The following SDK2 variants were observed in gnomAD, a reference collection of about 807,000 sequenced individuals.
The protein encoded by SDK2 is sidekick cell adhesion molecule 2, also known as protein sidekick-2.
A neutral mutation model predicts 253.9 loss-of-function variants in SDK2; 105 were observed. The observed-to-expected ratio is 0.41, with a 90% CI of 0.35 to 0.49. The LOEUF (loss-of-function observed/expected upper bound fraction) is 0.49. Among genes scored for constraint, SDK2 ranks in the 20% least tolerant of loss-of-function variants. SDK2 has a pLI of 0.06. For missense variants in SDK2, 2,608 were observed against 3,003.0 expected (o/e 0.87, Z 3.07); for synonymous variants, 1,249 against 1,234.9 (o/e 1.01, Z -0.24).
At position 73,612,787 on chromosome 17, in the gene SDK2, C is replaced by T. The variant is rs1170118970; in HGVS notation, c.64+31238G>A. Among the ~76,000 whole-genome samples the T allele has an allele frequency of 2.0e-5, 3 of 152,036 alleles. No homozygotes were observed. The highest frequency in any genetic ancestry group is 2.9e-5 in the Non-Finnish European group (2 of 68,008). The stretch of plus-strand genomic sequence containing the variant: ...CAAAAATTAGCTGTACCTGGTGGTG[C>T]GCACCTGTAGTCCCAGCTACTCAGG... On this transcript the variant is annotated intron_variant, in intron 1 of 44. Coordinates refer to ENST00000392650, the MANE Select transcript of SDK2 (RefSeq NM_001144952.2). The surrounding 1 kb of genome is among the most constrained non-coding windows in gnomAD (Gnocchi z 4.4).
At chr17:73,404,421 T>G (rs1599530966) in intron 18 of SDK2, among the ~76,000 whole-genome samples, 1 of 152,162 alleles carries the variant, frequency 6.6e-6, no homozygotes, top group Admixed American at 6.5e-5. Context: ...GGAACTTCAG[T>G]GCTCAGCTCA....
At chr17:73,525,913 C>T (rs962268098) in intron 1 of SDK2, among the ~76,000 whole-genome samples, 6 of 152,368 alleles carry the variant, frequency 3.9e-5, no homozygotes, top group South Asian at 2.1e-4. Flanking sequence ...GCACGTACTA[C>T]GTGCCACAAA....
At position 73,639,660 on chromosome 17, in the gene SDK2, A is replaced by G. The variant is rs1052856285; in HGVS notation, c.64+4365T>C. On this transcript the variant is annotated intron_variant, in intron 1 of 44. Transcript: ENST00000392650. This position sits in a 1 kb window ranked among gnomAD's most constrained non-coding sequence, Gnocchi z 4.3. Reference sequence around the variant, plus strand: ...GAAACCCCGCAGGGCGCACACTAACACCCGACATCAATTCCAACTCAGCCT... The same window carrying G: ...GAAACCCCGCAGGGCGCACACTAACGCCCGACATCAATTCCAACTCAGCCT... Among the ~76,000 whole-genome samples the G allele has an allele frequency of 2.0e-5, 3 of 151,796 alleles. No homozygotes were observed. The highest frequency in any genetic ancestry group is 2.0e-4 in the Admixed American group (3 of 15,248).
chr17:73,580,451 G>A (rs1352833494), intron 1 of SDK2, among the ~76,000 whole-genome samples: 1 of 152,238 alleles, frequency 6.6e-6, no homozygotes, highest in Non-Finnish European at 1.5e-5. Flanking sequence ...CCCCTCGCAG[G>A]GACAGCCTTC....
At position 73,390,280 on chromosome 17, in the gene SDK2, C is replaced by T. The variant is rs1159217570; in HGVS notation, c.4192+7G>A. The T allele has an allele frequency of 1.3e-6, 2 of 1,564,428 alleles. No homozygotes were observed. Among genetic ancestry groups the T allele is most frequent in the African/African-American group, 1.4e-5 (1 of 73,630 alleles). The stretch of plus-strand genomic sequence containing the variant: ...CCAAGCCTTCCCTGGCCCCCGTGGG[C>T]AGTCACCTCTCTTCTCGGTGGTCAC... On this transcript the variant is annotated splice_region_variant and intron_variant, in intron 29 of 44. Coordinates refer to ENST00000392650, the MANE Select transcript of SDK2 (RefSeq NM_001144952.2).
rs773452736 is a variant in SDK2, at chr17:73,435,520, G to T, written c.1125C>A (p.Thr375=). The T allele has an allele frequency of 8.1e-6, 13 of 1,600,010 alleles. No homozygotes were observed. The highest frequency in any genetic ancestry group is 1.1e-5 in the Non-Finnish European group (13 of 1,173,808). Residue 375 remains threonine, a synonymous_variant, in exon 9 of 45, where the codon ACC becomes ACA. Coordinates refer to ENST00000392650, the MANE Select transcript of SDK2 (RefSeq NM_001144952.2). The surrounding 1 kb of genome is among the most constrained non-coding windows in gnomAD (Gnocchi z 5.7). ...TGCGGGCGAAGCACTGGAACATGCC[G>T]GTATCATCGGGCACCAGGCCGCTGA... ...LQISGLVPDD[T]GMFQCFARNA...
chr17:73,575,012 A>G (rs2045439122), intron 1 of SDK2, among the ~76,000 whole-genome samples: 1 of 152,176 alleles, frequency 6.6e-6, no homozygotes, highest in Non-Finnish European at 1.5e-5. Flanking sequence ...TGGCTAAAGG[A>G]CTGCTCGTAT....
At chr17:73,549,556 G>A (rs375781965) in intron 1 of SDK2, among the ~76,000 whole-genome samples, 1 of 152,186 alleles carries the variant, frequency 6.6e-6, no homozygotes, top group South Asian at 2.1e-4. Context: ...CATGCTATGG[G>A]GGAAGTAGAT....
intron 5 of SDK2, among the ~76,000 whole-genome samples, chr17:73,444,429 G>A (rs2063437182): frequency 6.6e-6 from 1 of 152,240 alleles, no homozygotes; most frequent in Non-Finnish European, 1.5e-5. Flanking sequence ...CGAGCAAAGA[G>A]GAGGGGTGTC....
In SDK2 at chr17:73,509,902, C is replaced by CAAAAAAAAAAAAAAAAAAAAAAAAAA. The variant is rs71157018; in HGVS notation, c.65-2306_65-2305insTTTTTTTTTTTTTTTTTTTTTTTTTT. On this transcript the variant is annotated intron_variant, in intron 1 of 44. Transcript: ENST00000392650. ...GCAACAGAGCAAGACTCCATCTCTA[C>CAAAAAAAAAAAAAAAAAAAAAAAAAA]AAAAAAAAAAAAAAAAAAAAGAAGG... Among the ~76,000 whole-genome samples the CAAAAAAAAAAAAAAAAAAAAAAAAAA allele has an allele frequency of 6.5e-3, 165 of 25,364 alleles. 20 individuals carry two copies. Among genetic ancestry groups the CAAAAAAAAAAAAAAAAAAAAAAAAAA allele is most frequent in the African/African-American group, 8.6e-3 (45 of 5,258 alleles). 16.6% of individuals were successfully genotyped at this position (25,364 alleles called of 152,430 possible). A position where few individuals can be genotyped will look rare whatever the true frequency, so the allele number is the denominator to read the frequency against.
At chr17:73,508,305 C>T (rs1282522201) in intron 1 of SDK2, among the ~76,000 whole-genome samples, 6 of 152,262 alleles carry the variant, frequency 3.9e-5, no homozygotes, top group African/African-American at 4.8e-5. Flanking sequence ...TGCCCCGCCA[C>T]GGTTCTCTCG....
At chr17:73,520,396 G>A (rs1021571423) in intron 1 of SDK2, 1 of 152,236 alleles carries the variant, frequency 6.6e-6, no homozygotes, top group African/African-American at 2.4e-5. Flanking sequence ...GTTTTAGAAG[G>A]AGCTTCTGGA....
rs770481661 is a variant in SDK2, at chr17:73,415,997, G to A, written c.2187-5C>T. On this transcript the variant is annotated splice_polypyrimidine_tract_variant and splice_region_variant and intron_variant, in intron 16 of 44. Coordinates refer to ENST00000392650, the MANE Select transcript of SDK2 (RefSeq NM_001144952.2). ...GGCAGCCCGGCCAGGCAGTACCTGA[G>A]GGGAAGAGGCGAGGCACAGTGGAGT... 1 of 1,608,230 alleles carries A rather than the reference G, an allele frequency of 6.2e-7. No individual in the cohort carries two copies. Among genetic ancestry groups the A allele is most frequent in the Non-Finnish European group, 8.5e-7 (1 of 1,177,722 alleles).
intron 1 of SDK2, chr17:73,641,199 T>C (rs550957868): frequency 5.9e-5 from 9 of 152,388 alleles, no homozygotes; most frequent in African/African-American, 2.2e-4. Flanking sequence ...TCTAGCTTAA[T>C]GTTAAAACCG....
chr17:73,394,263 C>T lies in SDK2; in HGVS notation c.3654G>A (p.Val1218=), dbSNP rs1273539134. The change falls in exon 26 of 45, where the codon GTG becomes GTA. Residue 1218 remains valine, a synonymous_variant. Coordinates refer to ENST00000392650, the MANE Select transcript of SDK2 (RefSeq NM_001144952.2). ...CAGCCTCGGGGACCTCGCTCCAGCGCACCAGCATGCTGCTGGAGGTGGTGG... is the reference window on the plus strand; with the variant it reads ...CAGCCTCGGGGACCTCGCTCCAGCGTACCAGCATGCTGCTGGAGGTGGTGG... The part of the protein sequence containing the change: ...ALATTSSSML[V]RWSEVPEADR... 6.2e-7 allele frequency: 1 copy of T among 1,603,246 alleles called. No homozygotes were observed. The highest frequency in any genetic ancestry group is 8.5e-7 in the Non-Finnish European group (1 of 1,172,858).
intron 2 of SDK2, among the ~76,000 whole-genome samples, chr17:73,495,083 G>A (rs116724787): frequency 0.014 from 2,059 of 152,358 alleles, 53 homozygotes; most frequent in African/African-American, 0.044. Flanking sequence ...TGTACAGCAG[G>A]AAGCGCCTTC....
At chr17:73,497,243 C>T (rs75723980) in intron 2 of SDK2, among the ~76,000 whole-genome samples, 2,478 of 152,262 alleles carry the variant, frequency 0.016, 29 homozygotes, top group Middle Eastern at 0.037. Context: ...ACAGTTGGTC[C>T]TTCCTAAACC....
At chr17:73,422,171 C>G (rs924583444) in intron 15 of SDK2, 116 bp downstream of exon 15, 12 of 1,160,062 alleles carry the variant, frequency 1.0e-5, no homozygotes, top group Non-Finnish European at 1.2e-5. Context: ...TCTACAGAGG[C>G]GGAAGCCTAG....
chr17:73,598,643 G>C (rs1474273192), intron 1 of SDK2, among the ~76,000 whole-genome samples: 2 of 144,850 alleles, frequency 1.4e-5, no homozygotes, highest in South Asian at 2.2e-4. Flanking sequence ...GTGAGGCAGC[G>C]GGCACGACGT....
Sources: allele counts gnomAD v4.1 joint callset (sites outside exome capture counted in the v4.1 genomes callset), GRCh38; gene constraint gnomAD v4.1.1; non-coding constraint Gnocchi (gnomAD v3.1); transcripts MANE v1.5; gene names NCBI Gene and HGNC (gene_info 2026-07-23, HGNC 2026-07-21).